The following OTUD7A variants were observed in gnomAD, a reference collection of about 807,000 sequenced individuals.
The protein encoded by OTUD7A is OTU domain-containing protein 7A.
Under a neutral mutation model 65.7 loss-of-function variants are expected in OTUD7A, and 12 were observed. The observed-to-expected ratio is 0.18, with a 90% CI of 0.12 to 0.30. The LOEUF is 0.30. OTUD7A is among the 10% of genes least tolerant of loss of function. The probability of loss-of-function intolerance (pLI) is 1.00; values close to 1 mark genes in which losing one functional copy is unlikely to be tolerated. For synonymous variants in OTUD7A, 641 were observed against 586.3 expected, an observed-to-expected ratio of 1.09 and a Z score of -1.35; for missense variants, 1,148 against 1,304.8, an observed-to-expected ratio of 0.88 and a Z score of 1.85.
intron 3 of OTUD7A, among the ~76,000 whole-genome samples, chr15:31,642,587 ATTT>A (rs57061290): frequency 2.7e-5 from 4 of 148,290 alleles, no homozygotes; most frequent in African/African-American, 9.8e-5. Context: ...TATTCAAATC[ATTT>A]TTTTTTTTTC....
intron 1 of OTUD7A, among the ~76,000 whole-genome samples, chr15:31,845,178 A>G (rs2140998366): frequency 6.6e-6 from 1 of 152,302 alleles, no homozygotes; most frequent in Non-Finnish European, 1.5e-5. Flanking sequence ...ATTCTTCAGC[A>G]TGCCAGCCAT....
chr15:31,581,114 T>C (rs1889358637), intron 3 of OTUD7A, among the ~76,000 whole-genome samples: 1 of 152,336 alleles, frequency 6.6e-6, no homozygotes, highest in Non-Finnish European at 1.5e-5. Flanking sequence ...ACAGGCCCCA[T>C]GCAAGTTCAA....
Position 31,483,166 on chromosome 15 carries a change from C to A in OTUD7A, c.*128G>T. On this transcript the variant is annotated 3_prime_UTR_variant, in exon 13 of 13. Transcript: ENST00000307050. ...GCACCATTAGGAACGTTTGACCAAA[C>A]ACGTACACGGCACTGACAGAGGAGG... is the stretch of plus-strand genomic sequence containing the variant. 4 of 903,572 alleles carry A rather than the reference C, an allele frequency of 4.4e-6. No homozygotes were observed. The highest frequency in any genetic ancestry group is 4.0e-6 in the Non-Finnish European group (3 of 746,570). 56.0% of individuals were successfully genotyped at this position (903,572 alleles called of 1,614,324 possible). A position where few individuals can be genotyped will look rare whatever the true frequency, so the allele number is the denominator to read the frequency against.
intron 3 of OTUD7A, among the ~76,000 whole-genome samples, chr15:31,599,723 C>T (rs1890018644): frequency 6.6e-6 from 1 of 151,992 alleles, no homozygotes. Context: ...TAACCCAATG[C>T]AAGGAAGCTA....
intron 1 of OTUD7A, among the ~76,000 whole-genome samples, chr15:31,821,487 C>T (rs915438337): frequency 2.6e-5 from 4 of 151,868 alleles, no homozygotes; most frequent in African/African-American, 9.7e-5. Flanking sequence ...ACACAATATA[C>T]AATATGCCAT....
chr15:31,560,882 C>A (rs1295936625), intron 4 of OTUD7A, among the ~76,000 whole-genome samples: 1 of 152,214 alleles, frequency 6.6e-6, no homozygotes, highest in Non-Finnish European at 1.5e-5. Flanking sequence ...CCAGCTTTCA[C>A]CCGGAACAGC....
chr15:31,846,514 C>A (rs187272533), intron 1 of OTUD7A, among the ~76,000 whole-genome samples: 4 of 152,052 alleles, frequency 2.6e-5, no homozygotes, highest in African/African-American at 7.2e-5. Flanking sequence ...TAAGAACGGG[C>A]AGGAACTGGT....
chr15:31,548,776 C>T (rs1478582607), intron 5 of OTUD7A, among the ~76,000 whole-genome samples: 1 of 152,054 alleles, frequency 6.6e-6, no homozygotes, highest in Non-Finnish European at 1.5e-5. Flanking sequence ...TCAAAAGAGC[C>T]CAATCAAAGG....
intron 1 of OTUD7A, among the ~76,000 whole-genome samples, chr15:31,838,658 C>T (rs1567048552): frequency 9.9e-5 from 2 of 20,256 alleles, no homozygotes; most frequent in Admixed American, 1.3e-3. Flanking sequence ...ATCTCAAAGA[C>T]CCCCCCCCAC....
chr15:31,786,816 A>G (rs1199434711), intron 1 of OTUD7A, among the ~76,000 whole-genome samples: 1 of 152,150 alleles, frequency 6.6e-6, no homozygotes, highest in African/African-American at 2.4e-5. Context: ...GAAGCATCCC[A>G]GAGTTCTGAC....
At chr15:31,645,318 G>C (rs1238330595) in intron 3 of OTUD7A, among the ~76,000 whole-genome samples, 1 of 152,188 alleles carries the variant, frequency 6.6e-6, no homozygotes, top group African/African-American at 2.4e-5. Context: ...AGGCAGGAGG[G>C]CACACCCACA....
At chr15:31,863,236 C>T (rs184322819) in intron 1 of OTUD7A, among the ~76,000 whole-genome samples, 68 of 152,254 alleles carry the variant, frequency 4.5e-4, no homozygotes, top group African/African-American at 1.2e-3. Context: ...TCCAGGTGCA[C>T]GGTGCAAAGT....
chr15:31,575,409 C>T (rs1219750262), intron 3 of OTUD7A, among the ~76,000 whole-genome samples: 2 of 152,126 alleles, frequency 1.3e-5, no homozygotes, highest in Non-Finnish European at 2.9e-5. Flanking sequence ...AATTAAAAGG[C>T]AGAAACTTTA....
At chr15:31,632,064 C>T (rs907367222) in intron 3 of OTUD7A, among the ~76,000 whole-genome samples, 3 of 151,926 alleles carry the variant, frequency 2.0e-5, no homozygotes, top group African/African-American at 7.2e-5. Context: ...GTAGTTTGAT[C>T]GTCTGAAGCC....
intron 1 of OTUD7A, among the ~76,000 whole-genome samples, chr15:31,725,951 A>G (rs2141354329): frequency 6.6e-6 from 1 of 152,226 alleles, no homozygotes; most frequent in African/African-American, 2.4e-5. Flanking sequence ...AACTTAAACT[A>G]ATTGAAAGTA....
intron 1 of OTUD7A, among the ~76,000 whole-genome samples, chr15:31,833,926 T>C (rs984129907): frequency 6.6e-6 from 1 of 152,066 alleles, no homozygotes; most frequent in South Asian, 2.1e-4. Flanking sequence ...TTTTGGGGGG[T>C]CCTCCCCTAC....
At chr15:31,793,399 T>C (rs575533534) in intron 1 of OTUD7A, among the ~76,000 whole-genome samples, 1 of 152,262 alleles carries the variant, frequency 6.6e-6, no homozygotes, top group South Asian at 2.1e-4. Context: ...AGAGGTGCAC[T>C]TCCTGCCCCA....
At chr15:31,723,131 C>G (rs55778950) in intron 1 of OTUD7A, among the ~76,000 whole-genome samples, 1 of 150,178 alleles carries the variant, frequency 6.7e-6, no homozygotes, top group South Asian at 2.1e-4. Context: ...AGGCAAGGAC[C>G]TGGAGCCCAG....
At chr15:31,633,816 T>C (rs561819890) in intron 3 of OTUD7A, among the ~76,000 whole-genome samples, 1 of 152,272 alleles carries the variant, frequency 6.6e-6, no homozygotes. Flanking sequence ...CCACACTCCA[T>C]CTATCTTGCT....
Sources: gnomAD v4.1 joint callset for allele counts (sites outside exome capture counted in the v4.1 genomes callset) on GRCh38, gnomAD v4.1.1 for gene constraint, MANE v1.5 for transcripts, NCBI Gene and HGNC (gene_info 2026-07-23, HGNC 2026-07-21) for gene names.